CACHD1: variants seen among roughly 807,000 people sequenced by gnomAD.
The protein encoded by CACHD1 is VWFA and cache domain-containing protein 1.
CACHD1 carries 71 observed loss-of-function variants against 138.7 expected under a neutral mutation model. The ratio of observed to expected loss-of-function variants is 0.51; its 90% CI spans 0.42 to 0.62. CACHD1 has a LOEUF of 0.62. CACHD1 is among the 20% of genes least tolerant of loss of function. CACHD1 has a pLI of 0.00. For missense variants in CACHD1, 1,389 were observed against 1,625.3 expected (o/e 0.85, Z 2.50); for synonymous variants, 578 against 591.5 (o/e 0.98, Z 0.33).
chr1:64,523,224 G>C (rs1431273435), intron 1 of CACHD1, among the ~76,000 whole-genome samples: 1 of 152,166 alleles, frequency 6.6e-6, no homozygotes, highest in Non-Finnish European at 1.5e-5. Context: ...ATTTTATTCA[G>C]AAATAATCTA....
chr1:64,684,004 A>G (rs1297622105), intron 26 of CACHD1, among the ~76,000 whole-genome samples: 1 of 152,240 alleles, frequency 6.6e-6, no homozygotes, highest in Non-Finnish European at 1.5e-5. Flanking sequence ...TGCTATGCAC[A>G]GTTATGCACT....
In CACHD1 at chr1:64,675,903, A is replaced by G. The variant is rs1279125327; in HGVS notation, c.2895A>G (p.Glu965=). The G allele has an allele frequency of 1.3e-6, 2 of 1,541,162 alleles. No homozygotes were observed. Among genetic ancestry groups the G allele is most frequent in the Non-Finnish European group, 1.7e-6 (2 of 1,143,142 alleles). ...DRLCLNCHRM[E]QNECECPCEC... is the part of the protein sequence containing the mutation. ...CTTTCTTTTTGCTTTTCAGAATGGAACAAAATGAATGTGAATGTCCTTGTG... is the reference window on the plus strand; with the variant it reads ...CTTTCTTTTTGCTTTTCAGAATGGAGCAAAATGAATGTGAATGTCCTTGTG... Residue 965 remains glutamate (E), a synonymous_variant, in exon 21 of 27, where the codon GAA becomes GAG. Coordinates refer to ENST00000651257, the MANE Select transcript of CACHD1 (RefSeq NM_020925.4).
chr1:64,584,238 CT>C (rs911287170), intron 3 of CACHD1, among the ~76,000 whole-genome samples: 6 of 152,186 alleles, frequency 3.9e-5, no homozygotes, highest in African/African-American at 1.4e-4. Context: ...CTCCTGGCAT[CT>C]CGTGAGTAGA....
At chr1:64,633,573 G>C (rs576378971) in intron 6 of CACHD1, among the ~76,000 whole-genome samples, 2 of 152,268 alleles carry the variant, frequency 1.3e-5, no homozygotes, top group African/African-American at 4.8e-5. Context: ...TCAGAGAGAG[G>C]TGTGGGTACA....
At position 64,511,007 on chromosome 1, in the gene CACHD1, G is replaced by A. The variant is rs528926673; in HGVS notation, c.199-39587G>A. Among the ~76,000 whole-genome samples, 10 of 152,282 alleles carry A rather than the reference G, an allele frequency of 6.6e-5. No individual in the cohort carries two copies. The East Asian group carries it at 7.7e-4, about 12-fold the overall frequency. ...TAATGGTTCTGGTCCTTGTAGTGGA[G>A]AATCCATTTTCCTTTTGCTGATATC... On this transcript the variant is annotated intron_variant, in intron 1 of 26. Transcript: ENST00000651257.
intron 4 of CACHD1, among the ~76,000 whole-genome samples, chr1:64,620,999 A>G (rs1332874358): frequency 1.3e-5 from 2 of 152,168 alleles, no homozygotes; most frequent in African/African-American, 4.8e-5. Context: ...CCACTGGCCC[A>G]CTGATAGTCT....
intron 23 of CACHD1, among the ~76,000 whole-genome samples, chr1:64,679,292 C>T (rs1650090752): frequency 1.3e-5 from 2 of 152,228 alleles, no homozygotes; most frequent in Admixed American, 6.5e-5. Context: ...GGAGCTAGGA[C>T]TCTGTTGGTG....
intron 15 of CACHD1, among the ~76,000 whole-genome samples, chr1:64,665,057 C>G (rs1291755283): frequency 1.3e-5 from 2 of 152,066 alleles, no homozygotes; most frequent in East Asian, 3.9e-4. Flanking sequence ...CACACAAATT[C>G]AAAAACATTC....
At chr1:64,567,955 A>G (rs991816651) in intron 2 of CACHD1, among the ~76,000 whole-genome samples, 19 of 150,964 alleles carry the variant, frequency 1.3e-4, no homozygotes, top group African/African-American at 4.7e-4. Context: ...ATAAATCACA[A>G]GGATATAACT....
intron 12 of CACHD1, among the ~76,000 whole-genome samples, chr1:64,656,792 TAAAAA>T (rs564859727): frequency 6.9e-6 from 1 of 145,118 alleles, no homozygotes; most frequent in Non-Finnish European, 1.5e-5. Context: ...ATTGGAGACT[TAAAAA>T]AAAAAAGGCT....
At chr1:64,497,824 C>T (rs556642863) in intron 1 of CACHD1, among the ~76,000 whole-genome samples, 1 of 152,166 alleles carries the variant, frequency 6.6e-6, no homozygotes, top group South Asian at 2.1e-4. Context: ...GGCAATATAC[C>T]CTTAAACAAA....
At chr1:64,511,952 G>A (rs935679228) in intron 1 of CACHD1, among the ~76,000 whole-genome samples, 1 of 152,180 alleles carries the variant, frequency 6.6e-6, no homozygotes, top group African/African-American at 2.4e-5. Context: ...ATTTGGCATA[G>A]TCACTGGCAT....
chr1:64,535,585 A>C (rs944207845), intron 1 of CACHD1, among the ~76,000 whole-genome samples: 5 of 152,146 alleles, frequency 3.3e-5, no homozygotes, highest in African/African-American at 1.2e-4. Context: ...TCAGCCTCCC[A>C]AAGTGTTGGG....
intron 4 of CACHD1, among the ~76,000 whole-genome samples, chr1:64,603,295 G>A (rs11581085): frequency 6.6e-6 from 1 of 151,504 alleles, no homozygotes; most frequent in African/African-American, 2.4e-5. Context: ...TAGTAGAGAC[G>A]GGTTTTCACT....
chr1:64,675,345 A>G, intron 19 of CACHD1, 56 bp from the exon 20 acceptor site: 4 of 1,402,394 alleles, frequency 2.9e-6, no homozygotes, highest in South Asian at 3.2e-5. Flanking sequence ...TCACCAAGGT[A>G]GGGCTGAGTC....
chr1:64,537,577 C>T (rs1233069414), intron 1 of CACHD1, among the ~76,000 whole-genome samples: 1 of 152,206 alleles, frequency 6.6e-6, no homozygotes, highest in Non-Finnish European at 1.5e-5. Flanking sequence ...ATACCACAGC[C>T]ATTTCCTGAA....
chr1:64,520,915 G>A (rs1646493567), intron 1 of CACHD1, among the ~76,000 whole-genome samples: 1 of 152,058 alleles, frequency 6.6e-6, no homozygotes, highest in Non-Finnish European at 1.5e-5. Context: ...TCTAAACCTA[G>A]GTTTATCTCT....
At chr1:64,517,794 A>G (rs1646469655) in intron 1 of CACHD1, among the ~76,000 whole-genome samples, 1 of 152,194 alleles carries the variant, frequency 6.6e-6, no homozygotes, top group South Asian at 2.1e-4. Context: ...CCTTTACCCG[A>G]TTACTCTTCT....
rs186453222 is a variant in CACHD1, at chr1:64,543,291, C to T, written c.199-7303C>T. Among the ~76,000 whole-genome samples, 28 of 151,218 alleles carry T rather than the reference C, an allele frequency of 1.9e-4. 1 individual carries two copies. Among genetic ancestry groups the T allele is most frequent in the African/African-American group, 6.1e-4 (25 of 41,258 alleles). ...TGACCAAAGGCCAGGCATGGCGGCT[C>T]ATGCCTGTTATCCCAGCACTTTGGG... is the stretch of plus-strand genomic sequence containing the variant. On this transcript the variant is annotated intron_variant, in intron 1 of 26. Transcript: ENST00000651257.
Sources: allele counts gnomAD v4.1 joint callset (sites outside exome capture counted in the v4.1 genomes callset), GRCh38; gene constraint gnomAD v4.1.1; transcripts MANE v1.5; gene names NCBI Gene and HGNC (gene_info 2026-07-23, HGNC 2026-07-21).